The following NRXN3 variants were observed in gnomAD, a reference collection of about 807,000 sequenced individuals.
NRXN3 encodes the protein neurexin 3.
Under a neutral mutation model 137.6 loss-of-function variants are expected in NRXN3, and 32 were observed. That is an observed-to-expected ratio of 0.23 (90% CI 0.18 to 0.31). The LOEUF is 0.31. Among genes scored for constraint, NRXN3 ranks in the 10% least tolerant of loss-of-function variants. The pLI, the probability that NRXN3 is intolerant of heterozygous loss-of-function variation, is 1.00. For missense variants in NRXN3, 1,574 were observed against 2,062.5 expected (o/e 0.76, Z 4.59); for synonymous variants, 798 against 784.5 (o/e 1.02, Z -0.29).
At chr14:78,623,593 G>A (rs2152507495) in intron 4 of NRXN3, among the ~76,000 whole-genome samples, 1 of 152,204 alleles carries the variant, frequency 6.6e-6, no homozygotes, top group African/African-American at 2.4e-5. Context: ...TTGAGACAGA[G>A]CCTCACTCAG....
At chr14:78,294,555 C>CAAAAAAA (rs199592742) in intron 3 of NRXN3, among the ~76,000 whole-genome samples, 23 of 106,438 alleles carry the variant, frequency 2.2e-4, no homozygotes, top group East Asian at 5.3e-4. Context: ...GATTCCGTCT[C>CAAAAAAA]AAAAAAAAAA....
intron 4 of NRXN3, among the ~76,000 whole-genome samples, chr14:78,629,379 G>A (rs1381055911): frequency 2.0e-5 from 3 of 152,196 alleles, no homozygotes; most frequent in Non-Finnish European, 2.9e-5. Flanking sequence ...ATGTCATTGA[G>A]GAATGCTCAA....
intron 4 of NRXN3, among the ~76,000 whole-genome samples, chr14:78,338,636 G>A (rs2081783414): frequency 6.6e-6 from 1 of 152,188 alleles, no homozygotes; most frequent in African/African-American, 2.4e-5. Context: ...TTGGGGACAG[G>A]GGAAGTATAT....
chr14:78,836,154 A>G (rs1335796052), intron 10 of NRXN3, among the ~76,000 whole-genome samples: 1 of 152,184 alleles, frequency 6.6e-6, no homozygotes, highest in Non-Finnish European at 1.5e-5. Flanking sequence ...ATGCACTAGA[A>G]ACAGTTAAGA....
intron 20 of NRXN3, among the ~76,000 whole-genome samples, chr14:79,860,350 C>A (rs1339734440): frequency 6.6e-6 from 1 of 152,188 alleles, no homozygotes; most frequent in Non-Finnish European, 1.5e-5. Context: ...AAATATTAGA[C>A]TAATGCAAGG....
At chr14:79,667,545 G>A (rs951687240) in intron 17 of NRXN3, among the ~76,000 whole-genome samples, 5 of 151,970 alleles carry the variant, frequency 3.3e-5, no homozygotes, top group Non-Finnish European at 7.4e-5. Flanking sequence ...TGTAGCACTG[G>A]CTCTTTCTTT....
At chr14:79,703,271 C>CT (rs1264362251) in intron 19 of NRXN3, among the ~76,000 whole-genome samples, 1 of 152,144 alleles carries the variant, frequency 6.6e-6, no homozygotes, top group Non-Finnish European at 1.5e-5. Flanking sequence ...GTACTCTTAG[C>CT]TTTTCAGTGT....
chr14:78,931,836 G>C (rs1246599897), intron 10 of NRXN3, among the ~76,000 whole-genome samples: 1 of 152,118 alleles, frequency 6.6e-6, no homozygotes, highest in Non-Finnish European at 1.5e-5. Flanking sequence ...GGGAAGCAGA[G>C]ATAAATTATG....
At chr14:79,304,231 G>C (rs1464253441) in intron 15 of NRXN3, among the ~76,000 whole-genome samples, 4 of 152,044 alleles carry the variant, frequency 2.6e-5, no homozygotes, top group Non-Finnish European at 4.4e-5. Context: ...AGCAGGGTGA[G>C]TGTCGGAGTT....
At chr14:78,762,855 T>G (rs1346364648) in intron 8 of NRXN3, among the ~76,000 whole-genome samples, 1 of 152,186 alleles carries the variant, frequency 6.6e-6, no homozygotes, top group African/African-American at 2.4e-5. Context: ...AGGCAAAAGC[T>G]TCAATCATTG....
At chr14:79,080,904 C>T (rs562966212) in intron 15 of NRXN3, among the ~76,000 whole-genome samples, 7 of 152,112 alleles carry the variant, frequency 4.6e-5, no homozygotes, top group Non-Finnish European at 7.4e-5. Flanking sequence ...TGTCTTTTGG[C>T]CAGAAGGAAA....
Position 78,943,614 on chromosome 14 carries a change from AAAAAAAAATATATATATATATATAT to A in NRXN3, c.2276-13626_2276-13602del, listed in dbSNP as rs1311935285. On this transcript the variant is annotated intron_variant, in intron 10 of 20. Transcript: ENST00000335750. ...GAAAAGAAGCAAGATCACTGTTAAA[AAAAAAAAATATATATATATATATAT>A]ATATATATATATATATATATATATA... Among the ~76,000 whole-genome samples, 35 of 44,172 alleles carry A rather than the reference AAAAAAAAATATATATATATATATAT, an allele frequency of 7.9e-4. 1 individual carries two copies. In the Middle Eastern group the frequency reaches 0.025, roughly 31 times the overall value. 29.0% of individuals were successfully genotyped at this position (44,172 alleles called of 152,430 possible).
chr14:78,182,312 T>C (rs73322209), intron 1 of NRXN3, among the ~76,000 whole-genome samples: 86 of 152,060 alleles, frequency 5.7e-4, no homozygotes, highest in African/African-American at 2.0e-3. Context: ...AACCAAAGCT[T>C]GTAAGGCTCT....
chr14:78,499,452 C>G (rs1231331068), intron 4 of NRXN3, among the ~76,000 whole-genome samples: 1 of 152,192 alleles, frequency 6.6e-6, no homozygotes, highest in Non-Finnish European at 1.5e-5. Context: ...TAACAGAGAA[C>G]AAGTACTAGC....
intron 2 of NRXN3, among the ~76,000 whole-genome samples, chr14:78,263,953 G>A (rs1338873345): frequency 1.3e-5 from 2 of 149,810 alleles, no homozygotes; most frequent in African/African-American, 2.5e-5. Context: ...ATTTTTTTCC[G>A]GGTCAGTTTT....
At chr14:78,279,191 T>TG (rs1329877752) in intron 3 of NRXN3, among the ~76,000 whole-genome samples, 6 of 152,028 alleles carry the variant, frequency 3.9e-5, no homozygotes, top group Non-Finnish European at 7.4e-5. Context: ...ATGCTCACTG[T>TG]GGAAAAAAAA....
At chr14:78,277,574 G>C (rs919986621) in intron 2 of NRXN3, among the ~76,000 whole-genome samples, 3 of 152,248 alleles carry the variant, frequency 2.0e-5, no homozygotes, top group Admixed American at 6.5e-5. Flanking sequence ...CTTAGTGTCT[G>C]TGGCTACTCC....
intron 4 of NRXN3, among the ~76,000 whole-genome samples, chr14:78,591,410 A>C (rs780312705): frequency 6.6e-6 from 1 of 152,154 alleles, no homozygotes; most frequent in Non-Finnish European, 1.5e-5. Flanking sequence ...TGTGGACCAC[A>C]TTTTGAGTAG....
At chr14:78,925,785 G>A (rs909301017) in intron 10 of NRXN3, among the ~76,000 whole-genome samples, 5 of 152,172 alleles carry the variant, frequency 3.3e-5, no homozygotes, top group African/African-American at 1.2e-4. Flanking sequence ...AAGGAGGGCA[G>A]TAGCACCATT....
Sources: gnomAD v4.1 joint callset for allele counts (sites outside exome capture counted in the v4.1 genomes callset) on GRCh38, gnomAD v4.1.1 for gene constraint, MANE v1.5 for transcripts, NCBI Gene and HGNC (gene_info 2026-07-23, HGNC 2026-07-21) for gene names.